The following ZNF831 variants were observed in gnomAD, a reference collection of about 807,000 sequenced individuals.
ZNF831 encodes the protein zinc finger protein 831.
Under a neutral mutation model 95.8 loss-of-function variants are expected in ZNF831, and 59 were observed. That is an observed-to-expected ratio of 0.62 (90% confidence interval 0.50 to 0.77). The LOEUF (loss-of-function observed/expected upper bound fraction) is 0.77. ZNF831 is among the 30% of genes least tolerant of loss of function. The pLI, the probability that ZNF831 is intolerant of heterozygous loss-of-function variation, is 0.00. For missense variants in ZNF831, 2,205 were observed against 2,164.0 expected, an observed-to-expected ratio of 1.02 and a Z score of -0.38; for synonymous variants, 961 against 925.5, an observed-to-expected ratio of 1.04 and a Z score of -0.70.
chr20:59,143,169 G>T (rs1392337247), intron 1 of ZNF831, among the ~76,000 whole-genome samples: 1 of 152,202 alleles, frequency 6.6e-6, no homozygotes, highest in South Asian at 2.1e-4. Context: ...AAAGTGCTTA[G>T]ATTACAGGTG....
At chr20:59,145,585 C>A (rs1399943283) in intron 1 of ZNF831, among the ~76,000 whole-genome samples, 1 of 152,158 alleles carries the variant, frequency 6.6e-6, no homozygotes, top group Admixed American at 6.5e-5. Flanking sequence ...TGAAAGGACA[C>A]CTCACCCCAC....
intron 2 of ZNF831, among the ~76,000 whole-genome samples, chr20:59,150,616 G>A (rs1333510532): frequency 6.6e-6 from 1 of 152,192 alleles, no homozygotes; most frequent in African/African-American, 2.4e-5. Flanking sequence ...GAGGAACGTT[G>A]AGGCAAACTT....
At chr20:59,203,603 C>T (rs1422979886) in intron 3 of ZNF831, among the ~76,000 whole-genome samples, 2 of 152,218 alleles carry the variant, frequency 1.3e-5, no homozygotes, top group Non-Finnish European at 2.9e-5. Context: ...AAAAATCAAG[C>T]AGACCCCTGC....
In ZNF831 at chr20:59,230,791, T is replaced by A. The variant is rs372958905; in HGVS notation, c.4028-22187T>A. Among the ~76,000 whole-genome samples, 14 of 152,350 alleles carry A rather than the reference T, an allele frequency of 9.2e-5. No homozygotes were observed. In the East Asian group the frequency reaches 2.7e-3, roughly 29 times the overall value. On this transcript the variant is annotated intron_variant, in intron 4 of 5. Coordinates refer to ENST00000371030, the MANE Select transcript of ZNF831 (RefSeq NM_178457.3). ...AAAGTTTAGAGCTCACACTGTAACC[T>A]TTCACATTACCATGGTATTAAGTAC...
intron 1 of ZNF831, among the ~76,000 whole-genome samples, chr20:59,144,312 C>A (rs987750458): frequency 6.6e-6 from 1 of 152,056 alleles, no homozygotes; most frequent in African/African-American, 2.4e-5. Flanking sequence ...CTCAGTTGAG[C>A]CCCAAAGAAG....
At chr20:59,179,097 G>A (rs1288281840) in intron 1 of ZNF831, among the ~76,000 whole-genome samples, 1 of 152,316 alleles carries the variant, frequency 6.6e-6, no homozygotes, top group East Asian at 1.9e-4. Context: ...GGCACACTGT[G>A]AGCTCCACGA....
intron 1 of ZNF831, among the ~76,000 whole-genome samples, chr20:59,129,664 G>A (rs150573675): frequency 1.8e-4 from 28 of 152,206 alleles, no homozygotes; most frequent in African/African-American, 6.5e-4. Flanking sequence ...GTGTAGCCCC[G>A]TGAAGTTGCT....
intron 1 of ZNF831, among the ~76,000 whole-genome samples, chr20:59,178,806 C>T (rs1276477168): frequency 6.6e-6 from 1 of 152,056 alleles, no homozygotes; most frequent in Non-Finnish European, 1.5e-5. Context: ...GGGGAGGTGT[C>T]AATATTTTTC....
intron 4 of ZNF831, among the ~76,000 whole-genome samples, chr20:59,237,075 C>T (rs137871806): frequency 1.5e-3 from 234 of 152,266 alleles, no homozygotes; most frequent in African/African-American, 5.5e-3. Context: ...TTCCCAGTCT[C>T]ATTTCTTAGA....
intron 1 of ZNF831, among the ~76,000 whole-genome samples, chr20:59,165,015 G>A (rs1383744524): frequency 1.3e-5 from 2 of 152,158 alleles, no homozygotes; most frequent in Admixed American, 6.5e-5. Context: ...AACCACCCTC[G>A]CTTTATTGCC....
intron 4 of ZNF831, among the ~76,000 whole-genome samples, chr20:59,213,598 C>T (rs1266471230): frequency 1.3e-5 from 2 of 152,118 alleles, no homozygotes. Context: ...GTTTCTTTAC[C>T]TTGAGGTTCC....
chr20:59,247,617 G>A (rs1003847794), intron 4 of ZNF831, among the ~76,000 whole-genome samples: 3 of 152,074 alleles, frequency 2.0e-5, no homozygotes, highest in African/African-American at 4.8e-5. Flanking sequence ...GTTAATTCCC[G>A]GGATGCTTCT....
At chr20:59,199,850 G>A (rs1304511115) in intron 3 of ZNF831, among the ~76,000 whole-genome samples, 1 of 151,680 alleles carries the variant, frequency 6.6e-6, no homozygotes, top group Non-Finnish European at 1.5e-5. Flanking sequence ...CTTCCTTCTG[G>A]GATTATTTTC....
intron 4 of ZNF831, among the ~76,000 whole-genome samples, chr20:59,210,635 A>C (rs1212313991): frequency 6.6e-6 from 1 of 152,078 alleles, no homozygotes; most frequent in Non-Finnish European, 1.5e-5. Flanking sequence ...CCAGAATGAA[A>C]AGCCCTTTCA....
At chr20:59,196,581 G>A (rs1273984494) in intron 3 of ZNF831, among the ~76,000 whole-genome samples, 2 of 152,054 alleles carry the variant, frequency 1.3e-5, no homozygotes, top group Non-Finnish European at 2.9e-5. Context: ...CAGGCTGCCC[G>A]TTGCATACAA....
chr20:59,165,293 A>G (rs6026740), intron 1 of ZNF831, among the ~76,000 whole-genome samples: 22,540 of 152,150 alleles, frequency 0.15, 1,816 homozygotes, highest in African/African-American at 0.22. Flanking sequence ...ACATCATGTA[A>G]GCAGAGAACC....
At chr20:59,207,529 T>C (rs1035779332) in intron 4 of ZNF831, among the ~76,000 whole-genome samples, 7 of 151,576 alleles carry the variant, frequency 4.6e-5, no homozygotes, top group Non-Finnish European at 1.0e-4. Context: ...ATTGCTTACA[T>C]GTGAAGTGGT....
chr20:59,239,813 G>A (rs1355207594), intron 4 of ZNF831, among the ~76,000 whole-genome samples: 1 of 152,220 alleles, frequency 6.6e-6, no homozygotes, highest in Non-Finnish European at 1.5e-5. Flanking sequence ...CCAGAGTGCT[G>A]GGATTACAGG....
intron 3 of ZNF831, among the ~76,000 whole-genome samples, chr20:59,206,348 T>C (rs1984891623): frequency 6.6e-6 from 1 of 152,232 alleles, no homozygotes. Flanking sequence ...AATCAGATGA[T>C]CCAGTAGGGC....
Sources: gnomAD v4.1 joint callset for allele counts (sites outside exome capture counted in the v4.1 genomes callset) on GRCh38, gnomAD v4.1.1 for gene constraint, MANE v1.5 for transcripts, NCBI Gene and HGNC (gene_info 2026-07-23, HGNC 2026-07-21) for gene names.